Variants in SEPTIN7 observed in about 807,000 individuals in gnomAD.
SEPTIN7 encodes septin-7.
Under a neutral mutation model 63.3 loss-of-function variants are expected in SEPTIN7, and 10 were observed. The ratio of observed to expected loss-of-function variants is 0.16; its 90% confidence interval spans 0.10 to 0.27. SEPTIN7 has a LOEUF of 0.27. Ranked by LOEUF, SEPTIN7 falls within the 10% of genes least tolerant of loss-of-function variation. The pLI is 1.00. For missense variants in SEPTIN7, 310 were observed against 521.0 expected, an observed-to-expected ratio of 0.59 and a Z score of 3.94; for synonymous variants, 131 against 165.3, an observed-to-expected ratio of 0.79 and a Z score of 1.59.
intron 10 of SEPTIN7, 109 bp downstream of exon 10, chr7:35,885,988 T>G: frequency 1.4e-6 from 1 of 719,722 alleles, no homozygotes; most frequent in African/African-American, 1.8e-5. Context: ...AATTTATATC[T>G]TCAGTCTAGC....
chr7:35,807,156 G>A (rs189398486), intron 1 of SEPTIN7, among the ~76,000 whole-genome samples: 3 of 150,688 alleles, frequency 2.0e-5, no homozygotes, highest in Admixed American at 6.6e-5. Context: ...TGATGTTTCT[G>A]TTTTCATTTC....
rs532255136 is a variant in SEPTIN7, at chr7:35,867,412, C to T, written c.276+3754C>T. ...TTCACCCAGCTGGAGTATAGTGGCG[C>T]GATCTCGGTTCACTACAACCTCCAC... On this transcript the variant is annotated intron_variant, in intron 4 of 13. Coordinates refer to ENST00000350320, the MANE Select transcript of SEPTIN7 (RefSeq NM_001788.6). Among the ~76,000 whole-genome samples the T allele has an allele frequency of 1.6e-4, 25 of 152,260 alleles. No individual in the cohort carries two copies. In the South Asian group the frequency reaches 4.8e-3, roughly 29 times the overall value.
chr7:35,888,040 C>T (rs1434162763), intron 10 of SEPTIN7, among the ~76,000 whole-genome samples: 2 of 152,054 alleles, frequency 1.3e-5, no homozygotes, highest in Non-Finnish European at 2.9e-5. Flanking sequence ...CCAGGCAAAC[C>T]AAGGAAGACG....
chr7:35,805,456 A>G (rs1389288372), intron 1 of SEPTIN7, among the ~76,000 whole-genome samples: 2 of 152,192 alleles, frequency 1.3e-5, no homozygotes, highest in African/African-American at 4.8e-5. Context: ...TAAATTTTCC[A>G]TTTTTGTGCT....
intron 1 of SEPTIN7, among the ~76,000 whole-genome samples, chr7:35,809,119 A>T (rs1167999678): frequency 1.3e-5 from 2 of 152,266 alleles, no homozygotes; most frequent in Non-Finnish European, 2.9e-5. Flanking sequence ...AATCAAGTTC[A>T]TTCACTTAAC....
intron 9 of SEPTIN7, among the ~76,000 whole-genome samples, chr7:35,885,184 T>C (rs1787152753): frequency 6.6e-6 from 1 of 152,164 alleles, no homozygotes; most frequent in South Asian, 2.1e-4. Flanking sequence ...TTTAGGATAT[T>C]GTTTCAGGTA....
chr7:35,812,063 G>A, intron 1 of SEPTIN7: 1 of 250,990 alleles, frequency 4.0e-6, no homozygotes, highest in Non-Finnish European at 8.4e-6. Context: ...GGAGGCAGAG[G>A]TTGCCGTGAG....
downstream of SEPTIN7, among the ~76,000 whole-genome samples, chr7:35,908,351 G>A (rs1788673034): frequency 1.3e-5 from 2 of 152,182 alleles, no homozygotes; most frequent in South Asian, 4.1e-4. Flanking sequence ...GAAGAATGAA[G>A]ACTATTCTTG....
rs535581100 is a variant in SEPTIN7 at position 35,801,209 on chromosome 7, G to C, written c.-1G>C. Reference sequence around the variant, plus strand: ...GGGCTGGTCGCGGAGGGGGGGAGGGGATGTCGGTCAGTGCGAGATCCGCTG... The same window carrying C: ...GGGCTGGTCGCGGAGGGGGGGAGGGCATGTCGGTCAGTGCGAGATCCGCTG... On this transcript the variant is annotated 5_prime_UTR_variant, in exon 1 of 14. Coordinates refer to ENST00000350320, the MANE Select transcript of SEPTIN7 (RefSeq NM_001788.6). 3 of 1,516,588 alleles carry C rather than the reference G, an allele frequency of 2.0e-6. No homozygotes were observed. The South Asian group carries it at 3.7e-5, about 19-fold the overall frequency. The allele number at this position is 1,516,588 out of a possible 1,614,324, so 93.9% of individuals were successfully genotyped here.
intron 3 of SEPTIN7, among the ~76,000 whole-genome samples, chr7:35,854,424 T>C (rs1245461575): frequency 6.6e-6 from 1 of 152,198 alleles, no homozygotes; most frequent in Non-Finnish European, 1.5e-5. Context: ...TTGCCACAGC[T>C]GGGGAGGAGG....
intron 1 of SEPTIN7, among the ~76,000 whole-genome samples, chr7:35,822,262 A>G (rs373827592): frequency 6.7e-6 from 1 of 149,060 alleles, no homozygotes; most frequent in Non-Finnish European, 1.5e-5. Flanking sequence ...GGATTTCACC[A>G]TGTTGCCCAG....
chr7:35,807,827 T>C (rs1000354758), intron 1 of SEPTIN7, among the ~76,000 whole-genome samples: 2 of 150,724 alleles, frequency 1.3e-5, no homozygotes, highest in African/African-American at 4.9e-5. Context: ...GGGAGGTTTT[T>C]TGTTGTTGTT....
chr7:35,829,976 A>G (rs1368044921), intron 1 of SEPTIN7, among the ~76,000 whole-genome samples: 1 of 152,122 alleles, frequency 6.6e-6, no homozygotes, highest in Non-Finnish European at 1.5e-5. Context: ...TCATGAGGTC[A>G]GGAGTTCAAG....
At chr7:35,806,357 C>T (rs1460038843) in intron 1 of SEPTIN7, among the ~76,000 whole-genome samples, 4 of 152,166 alleles carry the variant, frequency 2.6e-5, no homozygotes, top group African/African-American at 9.7e-5. Context: ...AATTACTGGA[C>T]ATAGAACATT....
At chr7:35,862,668 A>T (rs182637905) in intron 3 of SEPTIN7, among the ~76,000 whole-genome samples, 1 of 152,274 alleles carries the variant, frequency 6.6e-6, no homozygotes, top group African/African-American at 2.4e-5. Context: ...TATAAAAAGA[A>T]TTCCTCCTAG....
chr7:35,848,912 A>G (rs904477880), intron 3 of SEPTIN7, among the ~76,000 whole-genome samples: 2 of 152,212 alleles, frequency 1.3e-5, no homozygotes, highest in African/African-American at 2.4e-5. Context: ...AGCGCCTCCC[A>G]GCCTCAGACG....
intron 1 of SEPTIN7, chr7:35,803,225 A>G: frequency 1.4e-6 from 1 of 714,502 alleles, no homozygotes; most frequent in Non-Finnish European, 1.7e-6. Context: ...AAAAGATTGT[A>G]TTTCAGAAGT....
At chr7:35,900,540 C>T (rs189127092) in intron 12 of SEPTIN7, 2 of 152,260 alleles carry the variant, frequency 1.3e-5, no homozygotes, top group Admixed American at 1.3e-4. Context: ...GAGTCTCTAC[C>T]TCTTCAGTAA....
intron 3 of SEPTIN7, among the ~76,000 whole-genome samples, chr7:35,859,264 T>G (rs1288075245): frequency 1.3e-5 from 2 of 152,214 alleles, no homozygotes; most frequent in Non-Finnish European, 2.9e-5. Flanking sequence ...GATTCATTGG[T>G]TGATAAGAAT....
Sources: allele counts gnomAD v4.1 joint callset (sites outside exome capture counted in the v4.1 genomes callset), GRCh38; gene constraint gnomAD v4.1.1; transcripts MANE v1.5; gene names NCBI Gene and HGNC (gene_info 2026-07-23, HGNC 2026-07-21).